The following PHF24 variants were observed in gnomAD, a reference collection of about 807,000 sequenced individuals.
PHF24 encodes the protein PHD finger protein 24.
PHF24 carries 25 observed loss-of-function variants against 42.6 expected under a neutral mutation model. The observed-to-expected ratio is 0.59, with a 90% CI of 0.43 to 0.82. The LOEUF is 0.82. Among genes scored for constraint, PHF24 ranks in the 40% least tolerant of loss-of-function variants. The probability of loss-of-function intolerance (pLI) is 0.00; values close to 1 mark genes in which losing one functional copy is unlikely to be tolerated. For synonymous variants in PHF24, 185 were observed against 204.8 expected (o/e 0.90, Z 0.83); for missense variants, 470 against 538.1 (o/e 0.87, Z 1.25).
chr9:34,811,275 G>A, the PHF24 span, among the ~76,000 whole-genome samples: 1 of 152,158 alleles, frequency 6.6e-6, no homozygotes, highest in Non-Finnish European at 1.5e-5. Context: ...GAGCTACTAT[G>A]GTTTGAATGT....
At chr9:34,853,827 C>CAAAA in the PHF24 span, among the ~76,000 whole-genome samples, 1 of 74,810 alleles carries the variant, frequency 1.3e-5, no homozygotes. Flanking sequence ...GACTCCGTCT[C>CAAAA]AAAAAAAAAA....
the PHF24 span, among the ~76,000 whole-genome samples, chr9:34,867,251 C>T: frequency 2.6e-3 from 391 of 152,340 alleles, no homozygotes; most frequent in African/African-American, 8.7e-3. Flanking sequence ...CTGTTCTCTG[C>T]ACTAGGTCCC....
the PHF24 span, among the ~76,000 whole-genome samples, chr9:34,829,863 A>G: frequency 3.9e-5 from 6 of 152,334 alleles, no homozygotes; most frequent in African/African-American, 1.4e-4. Context: ...AAAAAAGTGA[A>G]TGTATAGTGA....
At chr9:34,907,004 T>G in the PHF24 span, among the ~76,000 whole-genome samples, 1 of 152,184 alleles carries the variant, frequency 6.6e-6, no homozygotes, top group Non-Finnish European at 1.5e-5. Context: ...TTATTTTATT[T>G]TCATAGAGAC....
At chr9:34,909,963 G>A in the PHF24 span, among the ~76,000 whole-genome samples, 1 of 152,164 alleles carries the variant, frequency 6.6e-6, no homozygotes, top group South Asian at 2.1e-4. Flanking sequence ...CATCTTGCCT[G>A]ATTAAGATGG....
At chr9:34,935,608 AG>A in the PHF24 span, among the ~76,000 whole-genome samples, 109 of 148,844 alleles carry the variant, frequency 7.3e-4, no homozygotes, top group Middle Eastern at 3.4e-3. Flanking sequence ...AAAAAAAAAA[AG>A]AGAGAGAATG....
the PHF24 span, among the ~76,000 whole-genome samples, chr9:34,887,484 TG>T: frequency 0.019 from 2,843 of 152,300 alleles, 105 homozygotes; most frequent in African/African-American, 0.065. Context: ...TTTATTACTC[TG>T]CTTTAGGTTC....
the PHF24 span, among the ~76,000 whole-genome samples, chr9:34,853,035 G>T: frequency 1.3e-5 from 2 of 152,144 alleles, no homozygotes; most frequent in Admixed American, 6.5e-5. Context: ...TCCTTGTCTT[G>T]TGCTGGTTTT....
At chr9:34,769,981 G>A in the PHF24 span, among the ~76,000 whole-genome samples, 2 of 152,048 alleles carry the variant, frequency 1.3e-5, no homozygotes, top group South Asian at 2.1e-4. Context: ...AGAATACATG[G>A]AATGATTCTT....
the PHF24 span, among the ~76,000 whole-genome samples, chr9:34,794,128 T>C: frequency 6.6e-6 from 1 of 152,120 alleles, no homozygotes; most frequent in Non-Finnish European, 1.5e-5. Flanking sequence ...CATGCATTGA[T>C]CTGACTATAA....
At chr9:34,841,754 A>G in the PHF24 span, among the ~76,000 whole-genome samples, 3 of 152,218 alleles carry the variant, frequency 2.0e-5, no homozygotes, top group African/African-American at 7.2e-5. Flanking sequence ...GCTACTCCAG[A>G]GGCTGAGGCA....
chr9:34,945,069 T>C, the PHF24 span, among the ~76,000 whole-genome samples: 16 of 152,136 alleles, frequency 1.1e-4, no homozygotes, highest in Admixed American at 3.9e-4. Flanking sequence ...GTTCCCCCCA[T>C]GTCTTCCAAA....
the PHF24 span, among the ~76,000 whole-genome samples, chr9:34,919,043 CT>C: frequency 6.6e-6 from 1 of 152,070 alleles, no homozygotes; most frequent in African/African-American, 2.4e-5. Context: ...AAAAAATTAG[CT>C]TATTTCTTAA....
chr9:34,908,395 C>T, the PHF24 span, among the ~76,000 whole-genome samples: 2 of 152,238 alleles, frequency 1.3e-5, no homozygotes, highest in South Asian at 4.1e-4. Context: ...AAAAAAATCC[C>T]TCTGGGAGCT....
chr9:34,750,149 A>G, the PHF24 span, among the ~76,000 whole-genome samples: 2 of 152,310 alleles, frequency 1.3e-5, no homozygotes, highest in South Asian at 4.1e-4. Context: ...ACTTACTGGT[A>G]ATTGTAACTA....
chr9:34,929,850 C>G, the PHF24 span, among the ~76,000 whole-genome samples: 19 of 152,234 alleles, frequency 1.2e-4, no homozygotes, highest in African/African-American at 4.3e-4. Flanking sequence ...CCTCTTTTTT[C>G]CCCTACTGTT....
the PHF24 span, among the ~76,000 whole-genome samples, chr9:34,695,284 T>A: frequency 6.6e-6 from 1 of 152,226 alleles, no homozygotes; most frequent in Non-Finnish European, 1.5e-5. Context: ...GGGTGGGGGC[T>A]TCTGGATAGC....
the PHF24 span, among the ~76,000 whole-genome samples, chr9:34,951,517 T>G: frequency 2.6e-5 from 4 of 152,164 alleles, no homozygotes; most frequent in Admixed American, 6.5e-5. Flanking sequence ...ATTGCTGGCT[T>G]TGAAGACAGA....
the PHF24 span, among the ~76,000 whole-genome samples, chr9:34,748,445 C>T: frequency 6.6e-6 from 1 of 152,144 alleles, no homozygotes; most frequent in Non-Finnish European, 1.5e-5. Flanking sequence ...CTCGTGAGAT[C>T]AGGTCTGACC....
Sources: allele counts gnomAD v4.1 joint callset (sites outside exome capture counted in the v4.1 genomes callset), GRCh38; gene constraint gnomAD v4.1.1; transcripts MANE v1.5; gene names NCBI Gene and HGNC (gene_info 2026-07-23, HGNC 2026-07-21).